ZNF804A: variants seen among roughly 807,000 people sequenced by gnomAD.
ZNF804A encodes zinc finger protein 804A.
ZNF804A carries 2 observed loss-of-function variants against 16.5 expected under a neutral mutation model. The ratio of observed to expected loss-of-function variants is 0.12; its 90% confidence interval spans 0.05 to 0.38. The LOEUF (loss-of-function observed/expected upper bound fraction) is 0.38, where lower values mean the gene tolerates loss of function less well. Ranked by LOEUF, ZNF804A falls within the 10% of genes least tolerant of loss-of-function variation. The probability of loss-of-function intolerance (pLI) is 0.99; values close to 1 mark genes in which losing one functional copy is unlikely to be tolerated. For missense variants in ZNF804A, 1,473 were observed against 1,390.7 expected (o/e 1.06, Z -0.94); for synonymous variants, 534 against 489.6 (o/e 1.09, Z -1.20).
chr2:184,782,238 T>G (rs1694381659), intron 1 of ZNF804A, among the ~76,000 whole-genome samples: 1 of 151,630 alleles, frequency 6.6e-6, no homozygotes, highest in South Asian at 2.1e-4. Context: ...TGACATTTTG[T>G]TTTTGTAGTG....
intron 2 of ZNF804A, among the ~76,000 whole-genome samples, chr2:184,924,009 T>TTGTGTGTG (rs3046265): frequency 6.7e-6 from 1 of 149,488 alleles, no homozygotes; most frequent in Non-Finnish European, 1.5e-5. Flanking sequence ...TAGTTTTGTT[T>TTGTGTGTG]TGTGTGTGTG....
chr2:184,663,243 G>C lies in ZNF804A; in HGVS notation c.111+64173G>C, dbSNP rs558111297. ...TACCCTCACAGGCTTGGAAGTGCCT[G>C]CTCCCACTTCCTGGCCTTTCCCTGC... On this transcript the variant is annotated intron_variant, in intron 1 of 3. Transcript: ENST00000302277. 2.6e-5 allele frequency among the ~76,000 whole-genome samples: 4 copies of C among 152,288 alleles called. No homozygotes were observed. The South Asian group carries it at 8.3e-4, about 32-fold the overall frequency.
chr2:184,598,880 C>T lies in ZNF804A; in HGVS notation c.-80C>T. ...TCGTGGCGGGTTCCCAGCCCACCGT[C>T]GCCGGCCCCGGCGCGCTGCGGCTGT... On this transcript the variant is annotated 5_prime_UTR_variant, in exon 1 of 4. Coordinates refer to ENST00000302277, the MANE Select transcript of ZNF804A (RefSeq NM_194250.2). 4.6e-6 allele frequency: 4 copies of T among 876,122 alleles called. No homozygotes were observed. The highest frequency in any genetic ancestry group is 6.4e-6 in the Non-Finnish European group (4 of 622,170). 54.3% of individuals were successfully genotyped at this position (876,122 alleles called of 1,614,324 possible).
rs181580871 is a variant in ZNF804A, at chr2:184,784,084, A to G, written c.112-82285A>G. Reference sequence around the variant, plus strand: ...CCAGTTTGGTTATCAGAAAGCTTCTACTAAACAGATTCACAGAGAAACACA... The same window carrying G: ...CCAGTTTGGTTATCAGAAAGCTTCTGCTAAACAGATTCACAGAGAAACACA... On this transcript the variant is annotated intron_variant, in intron 1 of 3. Coordinates refer to ENST00000302277, the MANE Select transcript of ZNF804A (RefSeq NM_194250.2). Among the ~76,000 whole-genome samples, 13 of 152,096 alleles carry G rather than the reference A, an allele frequency of 8.5e-5. No homozygotes were observed. The East Asian group carries it at 2.1e-3, about 25-fold the overall frequency.
At chr2:184,800,541 G>T (rs191725360) in intron 1 of ZNF804A, among the ~76,000 whole-genome samples, 2 of 151,292 alleles carry the variant, frequency 1.3e-5, no homozygotes, top group African/African-American at 4.8e-5. Flanking sequence ...TGACCTGTAT[G>T]TTACTTAAAA....
At chr2:184,836,697 AT>A (rs372065486) in intron 1 of ZNF804A, among the ~76,000 whole-genome samples, 9,998 of 131,030 alleles carry the variant, frequency 0.076, 397 homozygotes, top group Middle Eastern at 0.12. Context: ...ATATATATAT[AT>A]TTTTTTTTTA....
chr2:184,719,850 A>G (rs1574178889), intron 1 of ZNF804A, among the ~76,000 whole-genome samples: 1 of 152,092 alleles, frequency 6.6e-6, no homozygotes. Flanking sequence ...GCCTTCCAAA[A>G]TGTTCCAACC....
chr2:184,623,125 A>T (rs932708076), intron 1 of ZNF804A, among the ~76,000 whole-genome samples: 1 of 152,114 alleles, frequency 6.6e-6, no homozygotes, highest in Non-Finnish European at 1.5e-5. Flanking sequence ...TCTGAATATT[A>T]TCAGCCGTTC....
chr2:184,830,691 A>T (rs1695251152), intron 1 of ZNF804A, among the ~76,000 whole-genome samples: 1 of 152,124 alleles, frequency 6.6e-6, no homozygotes, highest in African/African-American at 2.4e-5. Context: ...GTTAGTACAC[A>T]AGTGAGATAC....
chr2:184,668,599 C>G (rs907593917), intron 1 of ZNF804A, among the ~76,000 whole-genome samples: 1 of 151,790 alleles, frequency 6.6e-6, no homozygotes, highest in Admixed American at 6.6e-5. Flanking sequence ...TTCAAAAACT[C>G]TTGAGATAAG....
chr2:184,762,200 T>C (rs148009720), intron 1 of ZNF804A, among the ~76,000 whole-genome samples: 305 of 57,500 alleles, frequency 5.3e-3, no homozygotes, highest in African/African-American at 0.025. Context: ...TTCTTTCTTT[T>C]CTTTTCTTTT....
chr2:184,671,063 A>G (rs942859410), intron 1 of ZNF804A, among the ~76,000 whole-genome samples: 5 of 152,148 alleles, frequency 3.3e-5, no homozygotes, highest in Admixed American at 6.6e-5. Flanking sequence ...ATGGATGTAG[A>G]ACTGGTTTGC....
intron 1 of ZNF804A, among the ~76,000 whole-genome samples, chr2:184,833,951 T>C (rs960526058): frequency 7.9e-5 from 12 of 152,066 alleles, no homozygotes; most frequent in Admixed American, 3.9e-4. Context: ...CCTTTGTAAG[T>C]AATGAATATT....
chr2:184,625,137 T>A (rs1356952378), intron 1 of ZNF804A, among the ~76,000 whole-genome samples: 1 of 152,168 alleles, frequency 6.6e-6, no homozygotes, highest in Non-Finnish European at 1.5e-5. Flanking sequence ...AAGAATCAGG[T>A]TGGCAGAAGT....
chr2:184,651,858 C>T (rs1039761207), intron 1 of ZNF804A, among the ~76,000 whole-genome samples: 11 of 152,222 alleles, frequency 7.2e-5, no homozygotes, highest in Admixed American at 7.2e-4. Flanking sequence ...CAAATTATTT[C>T]AGCTTCTGTA....
intron 1 of ZNF804A, among the ~76,000 whole-genome samples, chr2:184,739,394 T>A (rs984452527): frequency 6.6e-5 from 10 of 152,048 alleles, no homozygotes; most frequent in Non-Finnish European, 1.3e-4. Flanking sequence ...ATTTCATGAC[T>A]TTTTTTGCAG....
At chr2:184,690,757 A>G (rs573059685) in intron 1 of ZNF804A, among the ~76,000 whole-genome samples, 2 of 152,164 alleles carry the variant, frequency 1.3e-5, no homozygotes, top group African/African-American at 2.4e-5. Flanking sequence ...AGTGTTTTCT[A>G]AAACAGAGGG....
intron 1 of ZNF804A, among the ~76,000 whole-genome samples, chr2:184,715,878 T>C (rs1324192719): frequency 6.6e-6 from 1 of 152,184 alleles, no homozygotes; most frequent in East Asian, 1.9e-4. Context: ...AAATCTGCTT[T>C]GCTTCACGCG....
At chr2:184,862,237 T>A (rs1695812805) in intron 1 of ZNF804A, among the ~76,000 whole-genome samples, 3 of 152,200 alleles carry the variant, frequency 2.0e-5, no homozygotes, top group Admixed American at 2.0e-4. Flanking sequence ...AGTCAGTACC[T>A]GTTTCAATAT....
Sources: gnomAD v4.1 joint callset for allele counts (sites outside exome capture counted in the v4.1 genomes callset) on GRCh38, gnomAD v4.1.1 for gene constraint, MANE v1.5 for transcripts, NCBI Gene and HGNC (gene_info 2026-07-23, HGNC 2026-07-21) for gene names.